Variants in SLC39A12 observed in about 807,000 individuals in gnomAD.
The protein encoded by SLC39A12 is zinc transporter ZIP12.
SLC39A12 carries 63 observed loss-of-function variants against 71.1 expected under a neutral mutation model. The observed-to-expected ratio is 0.89, with a 90% CI of 0.72 to 1.09. The LOEUF (loss-of-function observed/expected upper bound fraction) is 1.09, where lower values mean the gene tolerates loss of function less well. Ranked by LOEUF, SLC39A12 falls within the 50% of genes least tolerant of loss-of-function variation. SLC39A12 has a pLI of 0.00. For missense variants in SLC39A12, 892 were observed against 812.6 expected, an observed-to-expected ratio of 1.10 and a Z score of -1.19; for synonymous variants, 351 against 301.3, an observed-to-expected ratio of 1.16 and a Z score of -1.71.
intron 10 of SLC39A12, among the ~76,000 whole-genome samples, chr10:17,996,980 A>C: frequency 7.0e-6 from 1 of 142,308 alleles, no homozygotes; most frequent in East Asian, 2.1e-4. Context: ...GCGCCACTGC[A>C]CTCCAGCACT....
chr10:18,008,172 T>C (rs928357441), intron 12 of SLC39A12, among the ~76,000 whole-genome samples: 21 of 152,168 alleles, frequency 1.4e-4, no homozygotes, highest in African/African-American at 5.1e-4. Flanking sequence ...CAGTAGGAGG[T>C]GAGCGGCAGG....
At chr10:17,970,003 T>TG (rs1834928692) in intron 4 of SLC39A12, among the ~76,000 whole-genome samples, 1 of 152,236 alleles carries the variant, frequency 6.6e-6, no homozygotes, top group Non-Finnish European at 1.5e-5. Context: ...TTCTTCTGCA[T>TG]GGGGATGTTC....
chr10:17,959,166 A>G (rs7085542), intron 2 of SLC39A12, among the ~76,000 whole-genome samples: 42,844 of 151,718 alleles, frequency 0.28, 6,285 homozygotes, highest in South Asian at 0.4. Flanking sequence ...TTTTATTTCA[A>G]TGGATTCGCT....
At chr10:17,987,199 A>G (rs774666991) in intron 6 of SLC39A12, among the ~76,000 whole-genome samples, 7 of 151,956 alleles carry the variant, frequency 4.6e-5, no homozygotes, top group Non-Finnish European at 7.4e-5. Context: ...GTCAGGCATG[A>G]TGGTGTGCAC....
chr10:17,955,939 CAT>C (rs1171740451), intron 2 of SLC39A12, among the ~76,000 whole-genome samples: 4 of 152,122 alleles, frequency 2.6e-5, no homozygotes, highest in South Asian at 4.1e-4. Context: ...TAACCCTACA[CAT>C]GTTTCTGAAA....
chr10:18,041,858 C>T (rs537116967), intron 12 of SLC39A12, among the ~76,000 whole-genome samples: 3 of 145,190 alleles, frequency 2.1e-5, no homozygotes, highest in Non-Finnish European at 4.5e-5. Flanking sequence ...TATATATGTA[C>T]ATACATATGT....
intron 5 of SLC39A12, 146 bp downstream of exon 5, chr10:17,978,220 C>T (rs753356450): frequency 2.7e-5 from 17 of 635,224 alleles, no homozygotes; most frequent in Non-Finnish European, 2.5e-5. Flanking sequence ...CACGTAGTTA[C>T]GGTTTTCTTT....
intron 2 of SLC39A12, among the ~76,000 whole-genome samples, chr10:17,955,452 A>G (rs1312385597): frequency 1.3e-5 from 2 of 152,172 alleles, no homozygotes; most frequent in African/African-American, 4.8e-5. Context: ...ATTCATGAAA[A>G]GAGGGAGGAA....
Position 17,995,726 on chromosome 10 carries a change from A to G in SLC39A12, c.1600+4A>G. ...ATGACAGCCTCCAACAGAAAATGTG[A>G]GTACCAAGCTAAACTTTACATGTGG... On this transcript the variant is annotated splice_donor_region_variant and intron_variant, in intron 10 of 12. Coordinates refer to ENST00000377369, the MANE Select transcript of SLC39A12 (RefSeq NM_001145195.2). 1 of 1,610,342 alleles carries G rather than the reference A, an allele frequency of 6.2e-7. No homozygotes were observed. The highest frequency in any genetic ancestry group is 1.1e-5 in the South Asian group (1 of 90,054).
intron 6 of SLC39A12, among the ~76,000 whole-genome samples, chr10:17,982,461 AG>A (rs769984616): frequency 0.059 from 6,685 of 113,808 alleles, 228 homozygotes; most frequent in South Asian, 0.1. Flanking sequence ...TTTCTCTTTG[AG>A]AGAGCCTGCA....
At chr10:17,985,740 C>T (rs1484559203) in intron 6 of SLC39A12, among the ~76,000 whole-genome samples, 1 of 152,068 alleles carries the variant, frequency 6.6e-6, no homozygotes, top group East Asian at 1.9e-4. Context: ...TCCTCCCTCT[C>T]TTTTAATCTT....
chr10:17,969,987 G>A (rs2130792117), intron 4 of SLC39A12, among the ~76,000 whole-genome samples: 1 of 152,252 alleles, frequency 6.6e-6, no homozygotes, highest in Non-Finnish European at 1.5e-5. Flanking sequence ...ATGGGTTCTG[G>A]TTTCATTCTT....
chr10:18,001,198 G>A (rs1835824798), intron 11 of SLC39A12, among the ~76,000 whole-genome samples: 1 of 152,106 alleles, frequency 6.6e-6, no homozygotes, highest in Admixed American at 6.5e-5. Flanking sequence ...TCAGCACATG[G>A]GCCAGTAAGA....
intron 2 of SLC39A12, among the ~76,000 whole-genome samples, chr10:17,955,490 G>A (rs994938867): frequency 5.3e-5 from 8 of 152,166 alleles, no homozygotes; most frequent in Non-Finnish European, 1.0e-4. Flanking sequence ...TCACAAACAC[G>A]CGGGTTCTGG....
intron 12 of SLC39A12, chr10:18,005,673 C>T (rs1274395283): frequency 6.6e-6 from 1 of 152,166 alleles, no homozygotes; most frequent in East Asian, 1.9e-4. Flanking sequence ...ATGCAGAACC[C>T]TAAGCTAAGT....
intron 10 of SLC39A12, 97 bp from the exon 11 acceptor site, chr10:18,000,570 T>C (rs1157848034): frequency 5.4e-6 from 6 of 1,103,650 alleles, no homozygotes; most frequent in Non-Finnish European, 6.7e-6. Context: ...AATATAAGAA[T>C]GTCAAGTGTA....
intron 12 of SLC39A12, among the ~76,000 whole-genome samples, chr10:18,015,971 A>G (rs1589249713): frequency 6.6e-6 from 1 of 152,110 alleles, no homozygotes; most frequent in Non-Finnish European, 1.5e-5. Flanking sequence ...CCACACATGC[A>G]CAACCACCCC....
At chr10:17,957,120 A>T (rs1201123557) in intron 2 of SLC39A12, among the ~76,000 whole-genome samples, 1 of 152,176 alleles carries the variant, frequency 6.6e-6, no homozygotes, top group Non-Finnish European at 1.5e-5. Flanking sequence ...TTAAAATCAA[A>T]TGTTAAACAT....
At chr10:18,021,221 T>C (rs1317425276) in intron 12 of SLC39A12, among the ~76,000 whole-genome samples, 1 of 151,946 alleles carries the variant, frequency 6.6e-6, no homozygotes, top group East Asian at 1.9e-4. Context: ...ATTTATTGAA[T>C]AGAGAGGCCT....
Sources: gnomAD v4.1 joint callset for allele counts (sites outside exome capture counted in the v4.1 genomes callset) on GRCh38, gnomAD v4.1.1 for gene constraint, MANE v1.5 for transcripts, NCBI Gene and HGNC (gene_info 2026-07-23, HGNC 2026-07-21) for gene names.